The following DDX60L variants were observed in gnomAD, a reference collection of about 807,000 sequenced individuals.
DDX60L encodes probable ATP-dependent RNA helicase DDX60-like.
In DDX60L, 191 loss-of-function variants were observed where a neutral mutation model predicts 211.6. The ratio of observed to expected loss-of-function variants is 0.90; its 90% CI spans 0.80 to 1.02. The LOEUF (loss-of-function observed/expected upper bound fraction) is 1.02. Among genes scored for constraint, DDX60L ranks in the 50% least tolerant of loss-of-function variants. The pLI, the probability that DDX60L is intolerant of heterozygous loss-of-function variation, is 0.00. For synonymous variants in DDX60L, 706 were observed against 694.1 expected, an observed-to-expected ratio of 1.02 and a Z score of -0.27; for missense variants, 2,007 against 1,984.1, an observed-to-expected ratio of 1.01 and a Z score of -0.22.
chr4:168,462,321 A>G (rs1401867009), intron 4 of DDX60L, among the ~76,000 whole-genome samples: 1 of 152,240 alleles, frequency 6.6e-6, no homozygotes, highest in East Asian at 1.9e-4. Context: ...GCAAGTGGAT[A>G]GATGTATTTC....
At chr4:168,358,461 T>C (rs1455518983) in intron 37 of DDX60L, among the ~76,000 whole-genome samples, 185 bp from the exon 38 acceptor site, 1 of 151,946 alleles carries the variant, frequency 6.6e-6, no homozygotes, top group Non-Finnish European at 1.5e-5. Context: ...ATACATCATG[T>C]ATCTTGAGAA....
chr4:168,441,808 T>C (rs1168231944), intron 9 of DDX60L, among the ~76,000 whole-genome samples: 1 of 151,956 alleles, frequency 6.6e-6, no homozygotes, highest in Non-Finnish European at 1.5e-5. Context: ...TGTACCGAGA[T>C]GCCCTCCCTG....
chr4:168,479,356 T>C lies in DDX60L; in HGVS notation c.-111+1021A>G, dbSNP rs193160404. On this transcript the variant is annotated intron_variant, in intron 1 of 37. Coordinates refer to ENST00000682922, the MANE Select transcript of DDX60L (RefSeq NM_001012967.3). ...CAAACTTCAAACTGCAAATCTTAGA[T>C]TGAATGGTATGTTACTGTTTTCAGG... 7.4e-4 allele frequency among the ~76,000 whole-genome samples: 113 copies of C among 152,330 alleles called. 1 individual carries two copies. The highest frequency in any genetic ancestry group is 1.3e-3 in the Non-Finnish European group (91 of 68,022).
At chr4:168,472,114 A>C (rs933334053) in intron 3 of DDX60L, among the ~76,000 whole-genome samples, 178 bp from the exon 4 acceptor site, 1 of 152,216 alleles carries the variant, frequency 6.6e-6, no homozygotes, top group African/African-American at 2.4e-5. Flanking sequence ...TAGCACAATT[A>C]CTATTTTATT....
At chr4:168,401,779 C>T (rs1015657647) in intron 25 of DDX60L, among the ~76,000 whole-genome samples, 27 of 152,032 alleles carry the variant, frequency 1.8e-4, no homozygotes, top group African/African-American at 5.6e-4. Context: ...AAACAGACTT[C>T]GAAAAGAAAT....
rs763258755 is a variant in DDX60L, at chr4:168,430,521, C to G, written c.1634G>C (p.Arg545Pro). 1.8e-5 allele frequency: 29 copies of G among 1,609,254 alleles called. No homozygotes were observed. In the South Asian group the frequency reaches 2.7e-4, roughly 15 times the overall value. ...STKVIVTQTT[R>P]PKEDSSGASG... The stretch of plus-strand genomic sequence containing the variant: ...GGCACCACTGGAATCCTCCTTTGGC[C>G]GAGTAGTTTGAGTCACAATGACTTT... The change falls in exon 13 of 38, where the codon CGG becomes CCG. Residue 545 changes from arginine to proline, a missense_variant. Coordinates refer to ENST00000682922, the MANE Select transcript of DDX60L (RefSeq NM_001012967.3).
chr4:168,413,200 C>A (rs1748985755), intron 22 of DDX60L, among the ~76,000 whole-genome samples: 1 of 152,094 alleles, frequency 6.6e-6, no homozygotes, highest in Non-Finnish European at 1.5e-5. Flanking sequence ...AATAAGGTAC[C>A]AGGAACCAAT....
intron 27 of DDX60L, 69 bp downstream of exon 27, chr4:168,395,890 G>C: frequency 1.9e-6 from 2 of 1,046,364 alleles, no homozygotes; most frequent in Non-Finnish European, 2.9e-6. Flanking sequence ...AGTGTTCAAA[G>C]ATATTAAACG....
Position 168,456,038 on chromosome 4 carries a change from C to T in DDX60L, c.837+1G>A. 6.3e-7 allele frequency: 1 copy of T among 1,574,992 alleles called. No homozygotes were observed. The highest frequency in any genetic ancestry group is 1.4e-5 in the African/African-American group (1 of 73,198). ...CTGGCGGCTGTGTTCTTTTTACTTACTAAGACACGATGGTACATTCTCAAG... is the reference window on the plus strand; with the variant it reads ...CTGGCGGCTGTGTTCTTTTTACTTATTAAGACACGATGGTACATTCTCAAG... On this transcript the variant is annotated splice_donor_variant, in intron 7 of 37. Coordinates refer to ENST00000682922, the MANE Select transcript of DDX60L (RefSeq NM_001012967.3). LOFTEE classifies it high-confidence loss of function.
chr4:168,435,750 A>C lies in DDX60L; in HGVS notation c.1295-2635T>G, dbSNP rs535254702. Reference sequence around the variant, plus strand: ...GCCCCCAGGGAATTTTCCGGAAGAAATTTTTTTCTTCCACAAAGTATCTCA... The same window carrying C: ...GCCCCCAGGGAATTTTCCGGAAGAACTTTTTTTCTTCCACAAAGTATCTCA... On this transcript the variant is annotated intron_variant, in intron 10 of 37. Coordinates refer to ENST00000682922, the MANE Select transcript of DDX60L (RefSeq NM_001012967.3). 2.6e-5 allele frequency among the ~76,000 whole-genome samples: 4 copies of C among 152,052 alleles called. No homozygotes were observed. The East Asian group carries it at 5.8e-4, about 22-fold the overall frequency.
At chr4:168,448,532 A>T in intron 9 of DDX60L, 106 bp downstream of exon 9, 1 of 811,284 alleles carries the variant, frequency 1.2e-6, no homozygotes, top group Non-Finnish European at 1.9e-6. Flanking sequence ...TACACACACA[A>T]AGGTTTTCAA....
chr4:168,415,407 C>T lies in DDX60L; in HGVS notation c.2979+1G>A, dbSNP rs768527496. The T allele has an allele frequency of 6.3e-7, 1 of 1,589,764 alleles. No homozygotes were observed. The highest frequency in any genetic ancestry group is 1.7e-5 in the Admixed American group (1 of 57,532). Reference sequence around the variant, plus strand: ...CAGGACAAATACACTTTTATACTTACAATATCTGTCGTTAGCGCAGCACAG... The same window carrying T: ...CAGGACAAATACACTTTTATACTTATAATATCTGTCGTTAGCGCAGCACAG... On this transcript the variant is annotated splice_donor_variant, in intron 22 of 37. Transcript: ENST00000682922. LOFTEE classifies it high-confidence loss of function.
Position 168,471,759 on chromosome 4 carries a change from T to C in DDX60L, c.252A>G (p.Ile84Met). 6.3e-7 allele frequency: 1 copy of C among 1,592,634 alleles called. No individual in the cohort carries two copies. The highest frequency in any genetic ancestry group is 1.7e-4 in the Middle Eastern group (1 of 5,988). Reference sequence around the variant, plus strand: ...CATCATATATTACCTTAAAGAAAACTATGGTGAATTGTCCTCCGTTACTCA... The same window carrying C: ...CATCATATATTACCTTAAAGAAAACCATGGTGAATTGTCCTCCGTTACTCA... ...DLLSNGGQFT[I>M]VFFKDAEYAY... The change falls in exon 4 of 38, where the codon ATA (isoleucine) becomes ATG (methionine). Residue 84 changes from isoleucine to methionine, a missense_variant. Transcript: ENST00000682922.
At chr4:168,474,904 AG>A (rs1759274574) in intron 1 of DDX60L, among the ~76,000 whole-genome samples, 1 of 152,192 alleles carries the variant, frequency 6.6e-6, no homozygotes. Context: ...TGGATTAAAA[AG>A]GTTCTCCAAA....
intron 5 of DDX60L, among the ~76,000 whole-genome samples, chr4:168,459,005 T>A (rs1176886900): frequency 6.6e-6 from 1 of 152,154 alleles, no homozygotes; most frequent in East Asian, 1.9e-4. Flanking sequence ...TTCAAAAATA[T>A]AGAAACTTAG....
At chr4:168,400,592 C>T (rs556594871) in intron 26 of DDX60L, among the ~76,000 whole-genome samples, 1 of 152,190 alleles carries the variant, frequency 6.6e-6, no homozygotes, top group Admixed American at 6.5e-5. Flanking sequence ...CCAGTTGACC[C>T]TTAGGCTTAC....
At chr4:168,403,713 A>G (rs1340990413) in intron 25 of DDX60L, among the ~76,000 whole-genome samples, 4 of 152,206 alleles carry the variant, frequency 2.6e-5, no homozygotes, top group Non-Finnish European at 4.4e-5. Context: ...GTTGCTTACA[A>G]AAAGAAATTT....
rs1303872934 is a variant in DDX60L, at chr4:168,396,080, T to G, written c.3536A>C (p.Lys1179Thr). The change falls in exon 27 of 38, where the codon AAA (lysine) becomes ACA (threonine). Residue 1179 changes from lysine to threonine, a missense_variant. By Grantham distance (78) the Lys-to-Thr change is moderately conservative. Transcript: ENST00000682922. Reference protein sequence around the residue: ...PKKAEKLERKKVYRAEYINFL... With the variant: ...PKKAEKLERKTVYRAEYINFL... The stretch of plus-strand genomic sequence containing the variant: ...ATTAATATATTCAGCTCTATACACT[T>G]TTTTTCTTTCCAGTTTTTCAGCCTT... The G allele has an allele frequency of 1.3e-6, 2 of 1,576,546 alleles. No individual in the cohort carries two copies. The highest frequency in any genetic ancestry group is 2.4e-5 in the South Asian group (2 of 83,930).
chr4:168,442,926 A>G (rs1754168921), intron 9 of DDX60L, among the ~76,000 whole-genome samples: 1 of 152,204 alleles, frequency 6.6e-6, no homozygotes, highest in South Asian at 2.1e-4. Context: ...AAAGATGGGG[A>G]AAAAACAGAA....
Sources: allele counts gnomAD v4.1 joint callset (sites outside exome capture counted in the v4.1 genomes callset), GRCh38; gene constraint gnomAD v4.1.1; transcripts MANE v1.5; gene names NCBI Gene and HGNC (gene_info 2026-07-23, HGNC 2026-07-21).